CAMK1D: variants seen among roughly 807,000 people sequenced by gnomAD.
CAMK1D encodes the protein calcium/calmodulin dependent protein kinase ID.
A neutral mutation model predicts 47.7 loss-of-function variants in CAMK1D; 9 were observed. That is an observed-to-expected ratio of 0.19 (90% CI 0.11 to 0.33). The LOEUF (loss-of-function observed/expected upper bound fraction) is 0.33, where lower values mean the gene tolerates loss of function less well. Among genes scored for constraint, CAMK1D ranks in the 10% least tolerant of loss-of-function variants. The probability of loss-of-function intolerance (pLI) is 1.00; values close to 1 mark genes in which losing one functional copy is unlikely to be tolerated. For missense variants in CAMK1D, 291 were observed against 488.7 expected, an observed-to-expected ratio of 0.60 and a Z score of 3.81; for synonymous variants, 184 against 184.9, an observed-to-expected ratio of 0.99 and a Z score of 0.04.
intron 8 of CAMK1D, among the ~76,000 whole-genome samples, chr10:12,824,152 T>C (rs1300982300): frequency 6.6e-6 from 1 of 151,908 alleles, no homozygotes; most frequent in East Asian, 1.9e-4. Flanking sequence ...CTGTGGATTC[T>C]GATGTTGCAG....
At chr10:12,470,518 TTC>T (rs1334553655) in intron 1 of CAMK1D, among the ~76,000 whole-genome samples, 5 of 118,782 alleles carry the variant, frequency 4.2e-5, no homozygotes, top group African/African-American at 1.2e-4. Context: ...CTTTTTCTTC[TTC>T]TTTTTTTTTT....
intron 2 of CAMK1D, among the ~76,000 whole-genome samples, chr10:12,606,637 G>A (rs188561981): frequency 5.4e-4 from 82 of 152,240 alleles, no homozygotes; most frequent in African/African-American, 1.9e-3. Flanking sequence ...CTCTCCTGCC[G>A]TATGTATAAT....
chr10:12,649,617 T>A (rs981411173), intron 2 of CAMK1D, among the ~76,000 whole-genome samples: 1 of 152,172 alleles, frequency 6.6e-6, no homozygotes, highest in African/African-American at 2.4e-5. Context: ...TAATGACAGA[T>A]CATGTTTTTG....
chr10:12,478,433 C>G (rs941363015), intron 1 of CAMK1D, among the ~76,000 whole-genome samples: 1 of 152,142 alleles, frequency 6.6e-6, no homozygotes, highest in East Asian at 1.9e-4. Context: ...TCCTGAGTAC[C>G]TGGGACTACA....
intron 1 of CAMK1D, among the ~76,000 whole-genome samples, chr10:12,424,517 C>G (rs564207760): frequency 1.7e-4 from 26 of 152,318 alleles, no homozygotes; most frequent in African/African-American, 6.0e-4. Flanking sequence ...CTCACTGCCT[C>G]CTCCGTGAAT....
intron 3 of CAMK1D, among the ~76,000 whole-genome samples, chr10:12,757,937 T>C (rs971571180): frequency 2.0e-5 from 3 of 148,844 alleles, no homozygotes; most frequent in Non-Finnish European, 1.5e-5. Flanking sequence ...CCGCAATCTC[T>C]GCCTCCCCAG....
At chr10:12,452,372 A>G (rs1833108692) in intron 1 of CAMK1D, among the ~76,000 whole-genome samples, 1 of 151,942 alleles carries the variant, frequency 6.6e-6, no homozygotes. Flanking sequence ...CAAAGAAATC[A>G]TAAGGAAATT....
chr10:12,558,006 A>G (rs2132283686), intron 2 of CAMK1D, among the ~76,000 whole-genome samples: 1 of 152,332 alleles, frequency 6.6e-6, no homozygotes, highest in Non-Finnish European at 1.5e-5. Flanking sequence ...CTCAGAGGGA[A>G]ACATTCTGAT....
At chr10:12,724,451 G>A (rs935399609) in intron 3 of CAMK1D, among the ~76,000 whole-genome samples, 1 of 152,190 alleles carries the variant, frequency 6.6e-6, no homozygotes, top group African/African-American at 2.4e-5. Context: ...TTCACTTACA[G>A]GAGTTTTGCT....
intron 3 of CAMK1D, among the ~76,000 whole-genome samples, chr10:12,688,470 C>A (rs1001362857): frequency 6.6e-6 from 1 of 152,120 alleles, no homozygotes; most frequent in South Asian, 2.1e-4. Context: ...TAAAGAATTA[C>A]AAACAGGTCA....
In CAMK1D at chr10:12,640,755, C is replaced by T. The variant is rs76815051; in HGVS notation, c.225-25981C>T. 1.4e-3 allele frequency among the ~76,000 whole-genome samples: 217 copies of T among 152,242 alleles called. 3 individuals carry two copies. In the East Asian group the frequency reaches 0.032, roughly 22 times the overall value. ...GCCGTGCTGTGTGACATGTTGTGAC[C>T]GAATTTGCTGTGGGAGGCCTGCCTC... On this transcript the variant is annotated intron_variant, in intron 2 of 10. Coordinates refer to ENST00000619168, the MANE Select transcript of CAMK1D (RefSeq NM_153498.4).
chr10:12,723,083 C>T (rs544812728), intron 3 of CAMK1D, among the ~76,000 whole-genome samples: 2 of 152,092 alleles, frequency 1.3e-5, no homozygotes, highest in Admixed American at 6.5e-5. Context: ...AAGAAATGGA[C>T]GTGAAGAGGC....
At chr10:12,357,263 C>T (rs1283078412) in intron 1 of CAMK1D, among the ~76,000 whole-genome samples, 4 of 152,206 alleles carry the variant, frequency 2.6e-5, no homozygotes, top group South Asian at 4.1e-4. Flanking sequence ...CCTCTGCCAC[C>T]CGAGTTCAAG....
At chr10:12,535,780 T>C (rs147721055) in intron 1 of CAMK1D, among the ~76,000 whole-genome samples, 2,112 of 152,314 alleles carry the variant, frequency 0.014, 27 homozygotes, top group Non-Finnish European at 0.019. Flanking sequence ...TGGTAGGGTC[T>C]GTTGCCTCAT....
At chr10:12,661,411 T>C (rs575115055) in intron 2 of CAMK1D, among the ~76,000 whole-genome samples, 33 of 152,362 alleles carry the variant, frequency 2.2e-4, no homozygotes, top group African/African-American at 7.7e-4. Context: ...TTCTGTGATC[T>C]TGGAATACTT....
intron 2 of CAMK1D, among the ~76,000 whole-genome samples, chr10:12,555,682 C>T (rs1836736861): frequency 6.6e-6 from 1 of 152,160 alleles, no homozygotes; most frequent in Admixed American, 6.5e-5. Flanking sequence ...AGATATTTGA[C>T]ATTGTAGATT....
intron 3 of CAMK1D, among the ~76,000 whole-genome samples, chr10:12,719,213 C>T (rs1302465715): frequency 6.6e-6 from 1 of 151,864 alleles, no homozygotes; most frequent in Non-Finnish European, 1.5e-5. Context: ...TCGAGACCAG[C>T]CTGGCCAACA....
At chr10:12,608,279 A>C (rs191628069) in intron 2 of CAMK1D, among the ~76,000 whole-genome samples, 88 of 152,134 alleles carry the variant, frequency 5.8e-4, no homozygotes, top group Admixed American at 1.4e-3. Context: ...ATTAGCAGGC[A>C]TGGTAGCGCA....
rs57429397 is a variant in CAMK1D, at chr10:12,801,354, T to TATCTATCTAATCTATC, written c.641+10121_641+10122insATCTATCTAATCTATC. Among the ~76,000 whole-genome samples the TATCTATCTAATCTATC allele has an allele frequency of 2.1e-4, 14 of 66,564 alleles. 1 individual carries two copies. The highest frequency in any genetic ancestry group is 1.0e-3 in the East Asian group (2 of 2,008). The allele number at this position is 66,564 out of a possible 152,430, so 43.7% of individuals were successfully genotyped here. A position where few individuals can be genotyped will look rare whatever the true frequency, so the allele number is the denominator to read the frequency against. The stretch of plus-strand genomic sequence containing the variant: ...CTATCTATCTATCTATCTATCTATC[T>TATCTATCTAATCTATC]TATCTATCTATCTATCTATCTATCT... On this transcript the variant is annotated intron_variant, in intron 6 of 10. Transcript: ENST00000619168.
Sources: gnomAD v4.1 joint callset for allele counts (sites outside exome capture counted in the v4.1 genomes callset) on GRCh38, gnomAD v4.1.1 for gene constraint, MANE v1.5 for transcripts, NCBI Gene and HGNC (gene_info 2026-07-23, HGNC 2026-07-21) for gene names.